Variants in SNX24 observed in about 807,000 individuals in gnomAD.
The protein encoded by SNX24 is sorting nexin 24, also known as sorting nexin-24.
In SNX24, 22 loss-of-function variants were observed where a neutral mutation model predicts 28.7. That is an observed-to-expected ratio of 0.77 (90% CI 0.55 to 1.10). SNX24 has a LOEUF of 1.10. Ranked by LOEUF, SNX24 falls within the 50% of genes least tolerant of loss-of-function variation. The pLI is 0.00. For synonymous variants in SNX24, 69 were observed against 71.5 expected, an observed-to-expected ratio of 0.96 and a Z score of 0.18; for missense variants, 221 against 201.1, an observed-to-expected ratio of 1.10 and a Z score of -0.60.
At chr5:122,922,134 G>A (rs1033949206) in intron 1 of SNX24, among the ~76,000 whole-genome samples, 16 of 152,178 alleles carry the variant, frequency 1.1e-4, no homozygotes, top group African/African-American at 3.6e-4. Flanking sequence ...TATGTATCTA[G>A]AAGAGGTAGT....
intron 3 of SNX24, among the ~76,000 whole-genome samples, chr5:122,963,562 C>T (rs1760573998): frequency 6.6e-6 from 1 of 152,188 alleles, no homozygotes; most frequent in Non-Finnish European, 1.5e-5. Context: ...GTGGGCTCTA[C>T]TCTCTTTCAG....
intron 3 of SNX24, 36 bp from the exon 4 acceptor site, chr5:122,999,876 C>A: frequency 7.9e-7 from 1 of 1,272,146 alleles, no homozygotes; most frequent in Non-Finnish European, 1.2e-6. Context: ...TAGCAAACTT[C>A]ACTTCAGTTT....
chr5:122,997,324 A>G (rs1332387789), intron 3 of SNX24, among the ~76,000 whole-genome samples: 2 of 152,226 alleles, frequency 1.3e-5, no homozygotes, highest in Non-Finnish European at 2.9e-5. Flanking sequence ...GGAAAATATT[A>G]TTTGAGAATA....
In SNX24 at chr5:122,938,208, C is replaced by T. The variant is rs77623722; in HGVS notation, c.144+1391C>T. ...ACGAGGCTGCCCGTGCTTCTGGAGGCGAGGCTTGTTCACCCTGTTCTCTGC... is the reference window on the plus strand; with the variant it reads ...ACGAGGCTGCCCGTGCTTCTGGAGGTGAGGCTTGTTCACCCTGTTCTCTGC... On this transcript the variant is annotated intron_variant, in intron 2 of 6. Transcript: ENST00000261369. Among the ~76,000 whole-genome samples, 183 of 152,206 alleles carry T rather than the reference C, an allele frequency of 1.2e-3. 1 individual carries two copies. The highest frequency in any genetic ancestry group is 6.8e-3 in the Middle Eastern group (2 of 294).
At chr5:122,917,378 T>C (rs767131257) in intron 1 of SNX24, among the ~76,000 whole-genome samples, 3 of 152,216 alleles carry the variant, frequency 2.0e-5, no homozygotes, top group Non-Finnish European at 2.9e-5. Context: ...CTCTATCTCA[T>C]TTGACAATGA....
intron 1 of SNX24, among the ~76,000 whole-genome samples, chr5:122,911,983 G>T (rs2150090433): frequency 7.4e-6 from 1 of 135,890 alleles, no homozygotes; most frequent in South Asian, 2.7e-4. Context: ...GAACTTTAAA[G>T]TAGTTTTTTC....
chr5:122,892,717 C>T (rs545143859), intron 1 of SNX24, among the ~76,000 whole-genome samples: 2 of 151,840 alleles, frequency 1.3e-5, no homozygotes, highest in East Asian at 1.9e-4. Context: ...GGATTACAGG[C>T]GTGAGCCACC....
chr5:122,942,468 A>ACTATT (rs1759498894), intron 2 of SNX24, among the ~76,000 whole-genome samples: 1 of 152,166 alleles, frequency 6.6e-6, no homozygotes, highest in East Asian at 1.9e-4. Context: ...CGCTTCTTTA[A>ACTATT]CTTTTCTTTT....
At chr5:123,025,866 C>T (rs1217806551) in intron 5 of SNX24, 1 of 1,614,076 alleles carries the variant, frequency 6.2e-7, no homozygotes, top group East Asian at 2.2e-5. Context: ...GAACTGAGAG[C>T]CATTGGTGTC....
At chr5:122,898,200 C>T (rs1757285244) in intron 1 of SNX24, among the ~76,000 whole-genome samples, 1 of 152,050 alleles carries the variant, frequency 6.6e-6, no homozygotes. Flanking sequence ...TGAGTGTGCC[C>T]GTGTGGAACT....
Position 122,855,851 on chromosome 5 carries a change from A to G in SNX24, c.60+10158A>G, listed in dbSNP as rs150770480. On this transcript the variant is annotated intron_variant, in intron 1 of 6. Transcript: ENST00000261369. ...AGGGTTATTAATTTACCTAATTTCA[A>G]TATTGTTTGTCCTAAGGAATAGTGA... is the stretch of plus-strand genomic sequence containing the variant. 1.2e-3 allele frequency among the ~76,000 whole-genome samples: 176 copies of G among 152,264 alleles called. 1 individual carries two copies. The highest frequency in any genetic ancestry group is 3.8e-3 in the African/African-American group (158 of 41,540).
At chr5:122,898,730 A>G (rs184130836) in intron 1 of SNX24, among the ~76,000 whole-genome samples, 2 of 152,356 alleles carry the variant, frequency 1.3e-5, no homozygotes, top group African/African-American at 4.8e-5. Context: ...GCTTCTGTTG[A>G]TACTGTTTTC....
chr5:122,963,009 G>A (rs913640437), intron 3 of SNX24, among the ~76,000 whole-genome samples: 17 of 152,172 alleles, frequency 1.1e-4, no homozygotes, highest in African/African-American at 3.6e-4. Flanking sequence ...CAAGGTGGGC[G>A]GATCACTTGA....
At chr5:122,992,834 A>G (rs1004037724) in intron 3 of SNX24, among the ~76,000 whole-genome samples, 7 of 152,316 alleles carry the variant, frequency 4.6e-5, no homozygotes, top group East Asian at 3.9e-4. Context: ...ATACTTCTAT[A>G]TGATTGGATT....
intron 1 of SNX24, among the ~76,000 whole-genome samples, chr5:122,886,320 C>T (rs927180378): frequency 2.6e-5 from 4 of 152,144 alleles, no homozygotes; most frequent in Non-Finnish European, 5.9e-5. Context: ...ATTACTGGTA[C>T]ATTTCTGTCA....
At chr5:122,985,473 A>G (rs994554001) in intron 3 of SNX24, among the ~76,000 whole-genome samples, 2 of 152,216 alleles carry the variant, frequency 1.3e-5, no homozygotes, top group African/African-American at 4.8e-5. Flanking sequence ...TCTCAGAGTC[A>G]GTTTTTCCAT....
intron 1 of SNX24, among the ~76,000 whole-genome samples, chr5:122,873,028 G>A (rs189476029): frequency 1.3e-5 from 2 of 152,280 alleles, no homozygotes; most frequent in East Asian, 3.9e-4. Flanking sequence ...GTGCAGTGGT[G>A]CGATCATAGC....
chr5:122,870,065 A>T (rs758409043), intron 1 of SNX24, among the ~76,000 whole-genome samples: 8 of 152,212 alleles, frequency 5.3e-5, no homozygotes, highest in South Asian at 2.1e-4. Flanking sequence ...CTTCACCCTG[A>T]ATGCTGCTTC....
intron 3 of SNX24, among the ~76,000 whole-genome samples, chr5:122,971,901 C>A (rs1760975691): frequency 6.6e-6 from 1 of 152,164 alleles, no homozygotes; most frequent in Admixed American, 6.5e-5. Context: ...GTGGAGTGAT[C>A]CAAACCTTCA....
Sources: allele counts gnomAD v4.1 joint callset (sites outside exome capture counted in the v4.1 genomes callset), GRCh38; gene constraint gnomAD v4.1.1; transcripts MANE v1.5; gene names NCBI Gene and HGNC (gene_info 2026-07-23, HGNC 2026-07-21).